Variants in SMCHD1 observed in about 807,000 individuals in gnomAD.
The protein encoded by SMCHD1 is structural maintenance of chromosomes flexible hinge domain containing 1, also known as structural maintenance of chromosomes flexible hinge domain-containing protein 1.
A neutral mutation model predicts 254.7 loss-of-function variants in SMCHD1; 78 were observed. That is an observed-to-expected ratio of 0.31 (90% CI 0.26 to 0.37). The LOEUF (loss-of-function observed/expected upper bound fraction) is 0.37. Ranked by LOEUF, SMCHD1 falls within the 10% of genes least tolerant of loss-of-function variation. The pLI is 1.00. For synonymous variants in SMCHD1, 766 were observed against 794.9 expected, an observed-to-expected ratio of 0.96 and a Z score of 0.61; for missense variants, 1,840 against 2,408.1, an observed-to-expected ratio of 0.76 and a Z score of 4.94.
intron 17 of SMCHD1, among the ~76,000 whole-genome samples, chr18:2,715,056 C>T (rs1304739580): frequency 6.6e-6 from 1 of 152,190 alleles, no homozygotes; most frequent in Non-Finnish European, 1.5e-5. Context: ...TGACTTTAGA[C>T]AGTCTAATTT....
chr18:2,797,703 T>C (rs1224348275), intron 47 of SMCHD1, among the ~76,000 whole-genome samples: 2 of 152,214 alleles, frequency 1.3e-5, no homozygotes, highest in African/African-American at 4.8e-5. Flanking sequence ...GGCAGGTGGA[T>C]CACCTGAGAT....
At chr18:2,694,009 C>T (rs531516610) in intron 7 of SMCHD1, among the ~76,000 whole-genome samples, 184 of 152,270 alleles carry the variant, frequency 1.2e-3, no homozygotes, top group Non-Finnish European at 2.2e-3. Context: ...TACTAACTCC[C>T]TTCCATAAGT....
intron 17 of SMCHD1, among the ~76,000 whole-genome samples, chr18:2,710,314 A>G (rs1247525634): frequency 2.6e-5 from 4 of 152,192 alleles, no homozygotes; most frequent in Non-Finnish European, 4.4e-5. Flanking sequence ...TTTTAAAATG[A>G]GGAGGTGTGA....
intron 20 of SMCHD1, among the ~76,000 whole-genome samples, chr18:2,723,207 T>A (rs1431988832): frequency 6.6e-6 from 1 of 152,250 alleles, no homozygotes; most frequent in Non-Finnish European, 1.5e-5. Flanking sequence ...TGAAATTTTT[T>A]AAAGACCCTC....
At chr18:2,709,233 T>TGTATATATAC (rs1491142388) in intron 17 of SMCHD1, among the ~76,000 whole-genome samples, 2 of 54,194 alleles carry the variant, frequency 3.7e-5, no homozygotes, top group African/African-American at 6.6e-5. Flanking sequence ...TGTATATGTG[T>TGTATATATAC]ATATATATAT....
intron 5 of SMCHD1, among the ~76,000 whole-genome samples, chr18:2,681,075 A>C (rs2073911770): frequency 1.3e-5 from 2 of 152,032 alleles, no homozygotes; most frequent in African/African-American, 4.8e-5. Flanking sequence ...AGACCAGCTT[A>C]TGCAACATGA....
At chr18:2,726,581 AATG>A (rs2143439712) in intron 22 of SMCHD1, 57 bp downstream of exon 22, 1 of 872,414 alleles carries the variant, frequency 1.1e-6, no homozygotes, top group South Asian at 2.1e-5. Context: ...GTTAAAGTAT[AATG>A]ATATGAAGTT....
intron 29 of SMCHD1, among the ~76,000 whole-genome samples, chr18:2,746,182 A>C (rs1165762555): frequency 6.6e-6 from 1 of 152,134 alleles, no homozygotes; most frequent in Non-Finnish European, 1.5e-5. Context: ...AAATAAAATA[A>C]AATACAAGTA....
At chr18:2,700,955 A>G (rs2074386064) in intron 12 of SMCHD1, 37 bp downstream of exon 12, 2 of 1,422,054 alleles carry the variant, frequency 1.4e-6, no homozygotes, top group Non-Finnish European at 9.5e-7. Context: ...AATATTTGCA[A>G]ATGTTTTATT....
chr18:2,656,218 G>A lies in SMCHD1; in HGVS notation c.143G>A (p.Gly48Glu). The A allele has an allele frequency of 6.6e-7, 1 of 1,504,880 alleles. No homozygotes were observed. The highest frequency in any genetic ancestry group is 8.8e-7 in the Non-Finnish European group (1 of 1,135,334). The allele number at this position is 1,504,880 out of a possible 1,614,324, so 93.2% of individuals were successfully genotyped here. A position where few individuals can be genotyped will look rare whatever the true frequency, so the allele number is the denominator to read the frequency against. ...SELGDRPLQV[G>E]ERSDYAGFRA... ...CTCGGGGACCGGCCTCTGCAGGTCG[G>A]GGAGCGCTCGGACTACGCGGGATTT... Residue 48 changes from glycine to glutamate, a missense_variant, in exon 1 of 48, where the codon GGG (glycine) becomes GAG (glutamate). Gly to Glu is a moderately conservative substitution (Grantham distance 98). This residue lies in a region of SMCHD1 where 115 missense variants were observed against 99.1 expected (regional missense o/e 1.16). Transcript: ENST00000320876.
At chr18:2,699,373 G>A (rs913734124) in intron 10 of SMCHD1, among the ~76,000 whole-genome samples, 12 of 152,174 alleles carry the variant, frequency 7.9e-5, no homozygotes, top group African/African-American at 2.4e-4. Flanking sequence ...AAAGTCTTGC[G>A]TTGCCACACA....
Position 2,770,032 on chromosome 18 carries a change from G to A in SMCHD1, c.4890G>A (p.Lys1630=). The A allele has an allele frequency of 2.5e-6, 4 of 1,601,304 alleles. No homozygotes were observed. The highest frequency in any genetic ancestry group is 3.4e-6 in the Non-Finnish European group (4 of 1,176,560). The change falls in exon 39 of 48, where the codon AAG becomes AAA. Residue 1630 remains lysine, a synonymous_variant. Coordinates refer to ENST00000320876, the MANE Select transcript of SMCHD1 (RefSeq NM_015295.3). ...QQQMAALTKE[K]DQLSQSIVMY... is the part of the protein sequence containing the mutation. The stretch of plus-strand genomic sequence containing the variant: ...AAATGGCAGCACTTACAAAAGAAAA[G>A]GACCAATTATCTCAGTCTATTGTTA...
intron 3 of SMCHD1, among the ~76,000 whole-genome samples, chr18:2,670,596 G>A (rs1163660238): frequency 6.6e-6 from 1 of 152,110 alleles, no homozygotes; most frequent in African/African-American, 2.4e-5. Context: ...TGGCACATAG[G>A]TGCTTAAATA....
chr18:2,784,746 A>C (rs2076211694), intron 45 of SMCHD1, 125 bp downstream of exon 45: 1 of 1,130,792 alleles, frequency 8.8e-7, no homozygotes, highest in Non-Finnish European at 1.3e-6. Context: ...AAATGTAAGT[A>C]AGATGTTTTT....
At chr18:2,674,504 T>C (rs1305014226) in intron 5 of SMCHD1, among the ~76,000 whole-genome samples, 1 of 152,206 alleles carries the variant, frequency 6.6e-6, no homozygotes, top group Non-Finnish European at 1.5e-5. Context: ...TAAAATTGCA[T>C]GTGGTTCTGT....
chr18:2,796,583 A>G, intron 47 of SMCHD1, 62 bp downstream of exon 47: 1 of 1,114,492 alleles, frequency 9.0e-7, no homozygotes, highest in Non-Finnish European at 1.3e-6. Flanking sequence ...GGGTCTCATG[A>G]TAGCTTTGTT....
At chr18:2,699,678 G>A (rs914644074) in intron 10 of SMCHD1, among the ~76,000 whole-genome samples, 2 of 152,170 alleles carry the variant, frequency 1.3e-5, no homozygotes, top group Non-Finnish European at 2.9e-5. Flanking sequence ...CAATTTTTGT[G>A]TGCTAATAGA....
At position 2,685,585 on chromosome 18, in the gene SMCHD1, C is replaced by G. The variant is rs1398725360; in HGVS notation, c.639-2809C>G. On this transcript the variant is annotated intron_variant, in intron 5 of 47. Coordinates refer to ENST00000320876, the MANE Select transcript of SMCHD1 (RefSeq NM_015295.3). Reference sequence around the variant, plus strand: ...TTTACCCTGTACCCCCAAATTGAAGCTTTACCCATTAGACAGTAACTCCCT... The same window carrying G: ...TTTACCCTGTACCCCCAAATTGAAGGTTTACCCATTAGACAGTAACTCCCT... Among the ~76,000 whole-genome samples the G allele has an allele frequency of 2.6e-5, 4 of 152,198 alleles. No individual in the cohort carries two copies. In the East Asian group the frequency reaches 7.7e-4, roughly 29 times the overall value.
chr18:2,656,894 C>G (rs111917063), intron 1 of SMCHD1, among the ~76,000 whole-genome samples: 2,246 of 152,276 alleles, frequency 0.015, 32 homozygotes, highest in Middle Eastern at 0.041. Flanking sequence ...TGGGAATTTC[C>G]AAACCAAGTC....
Sources: allele counts gnomAD v4.1 joint callset (sites outside exome capture counted in the v4.1 genomes callset), GRCh38; gene constraint gnomAD v4.1.1; regional missense constraint gnomAD v4.1.1; transcripts MANE v1.5; gene names NCBI Gene and HGNC (gene_info 2026-07-23, HGNC 2026-07-21).